Variants in ADAM7 observed in about 807,000 individuals in gnomAD.
The protein encoded by ADAM7 is disintegrin and metalloproteinase domain-containing protein 7.
ADAM7 carries 97 observed loss-of-function variants against 102.9 expected under a neutral mutation model. The ratio of observed to expected loss-of-function variants is 0.94; its 90% CI spans 0.80 to 1.12. ADAM7 has a LOEUF of 1.12. Among genes scored for constraint, ADAM7 ranks in the 50% most tolerant of loss-of-function variants. The pLI, the probability that ADAM7 is intolerant of heterozygous loss-of-function variation, is 0.00. For synonymous variants in ADAM7, 334 were observed against 304.4 expected (o/e 1.10, Z -1.01); for missense variants, 991 against 908.7 (o/e 1.09, Z -1.16).
chr8:24,494,874 T>G (rs898801839), intron 16 of ADAM7, among the ~76,000 whole-genome samples: 8 of 152,240 alleles, frequency 5.3e-5, no homozygotes, highest in African/African-American at 1.9e-4. Context: ...ATTGCCCCAC[T>G]CCAACCAAAC....
At chr8:24,469,376 G>A (rs1318542336) in intron 7 of ADAM7, among the ~76,000 whole-genome samples, 1 of 152,146 alleles carries the variant, frequency 6.6e-6, no homozygotes, top group African/African-American at 2.4e-5. Flanking sequence ...TTTTCTGTCT[G>A]CCTATAGCCA....
intron 2 of ADAM7, among the ~76,000 whole-genome samples, chr8:24,445,185 C>A (rs1264190740): frequency 6.6e-6 from 1 of 152,112 alleles, no homozygotes; most frequent in Non-Finnish European, 1.5e-5. Flanking sequence ...GACACACACA[C>A]ATACACACCT....
chr8:24,486,350 T>C (rs1369520765), intron 10 of ADAM7, among the ~76,000 whole-genome samples: 1 of 152,234 alleles, frequency 6.6e-6, no homozygotes, highest in Non-Finnish European at 1.5e-5. Context: ...ATTTGATATA[T>C]CTGACATTTA....
intron 20 of ADAM7, chr8:24,506,262 A>G: frequency 1.1e-6 from 1 of 894,674 alleles, no homozygotes; most frequent in African/African-American, 1.7e-5. Flanking sequence ...CCAATAATAT[A>G]ACATCGATAG....
rs555671304 is a variant in ADAM7, at chr8:24,500,305, G to A, written c.2002+49G>A. ...TTCATATATCAAAAGCCTACCCAGC[G>A]AAAAAAGTTTTTCTTATTTTTCAAG... On this transcript the variant is annotated intron_variant, in intron 18 of 21. Transcript: ENST00000175238. 4.9e-5 allele frequency: 75 copies of A among 1,541,990 alleles called. No homozygotes were observed. In the Admixed American group the frequency reaches 6.0e-4, roughly 12 times the overall value.
In ADAM7 at chr8:24,465,770, T is replaced by C. The variant is rs150302349; in HGVS notation, c.384T>C (p.Gly128=). The C allele has an allele frequency of 1.8e-5, 29 of 1,597,858 alleles. No individual in the cohort carries two copies. The highest frequency in any genetic ancestry group is 2.3e-5 in the Non-Finnish European group (27 of 1,172,124). ...DSAASISTCN[G]LRGFFRINDQ... ...CTGCCAGTATCAGTACGTGTAATGGTCTAAGGTAATGCAGAATATCTTTCT... is the reference window on the plus strand; with the variant it reads ...CTGCCAGTATCAGTACGTGTAATGGCCTAAGGTAATGCAGAATATCTTTCT... The change falls in exon 5 of 22, where the codon GGT becomes GGC. Residue 128 remains glycine, a synonymous_variant. Transcript: ENST00000175238.
At chr8:24,492,822 G>A (rs1240263272) in intron 15 of ADAM7, among the ~76,000 whole-genome samples, 1 of 152,140 alleles carries the variant, frequency 6.6e-6, no homozygotes, top group Admixed American at 6.6e-5. Context: ...GAGGTTCACA[G>A]GGAAATCCAA....
chr8:24,491,422 T>G (rs190550106), intron 13 of ADAM7, among the ~76,000 whole-genome samples: 29 of 152,308 alleles, frequency 1.9e-4, no homozygotes, highest in Admixed American at 5.9e-4. Context: ...ATTAAATTCT[T>G]ATTGAATGGC....
intron 14 of ADAM7, 110 bp downstream of exon 14, chr8:24,492,208 T>C: frequency 9.2e-7 from 1 of 1,084,786 alleles, no homozygotes; most frequent in Non-Finnish European, 1.3e-6. Context: ...TGTGGCATTA[T>C]TCCAAGATAT....
At chr8:24,492,661 C>A in intron 15 of ADAM7, 64 bp downstream of exon 15, 2 of 1,201,004 alleles carry the variant, frequency 1.7e-6, no homozygotes, top group Non-Finnish European at 2.4e-6. Context: ...ATCAGAATGG[C>A]TCCTGTCCCC....
chr8:24,487,184 C>A lies in ADAM7; in HGVS notation c.961-3C>A, dbSNP rs763043757. 1.2e-6 allele frequency: 2 copies of A among 1,613,084 alleles called. No individual in the cohort carries two copies. Among genetic ancestry groups the A allele is most frequent in the African/African-American group, 2.7e-5 (2 of 74,984 alleles). On this transcript the variant is annotated splice_region_variant and splice_polypyrimidine_tract_variant and intron_variant, in intron 10 of 21. Transcript: ENST00000175238. ...ATTTCTAATGCAATTGTTTTATCAT[C>A]AGGATCTTTTACCTGACACAAACAT...
chr8:24,490,711 G>C (rs1275159177), intron 12 of ADAM7, 88 bp from the exon 13 acceptor site: 40 of 1,316,232 alleles, frequency 3.0e-5, no homozygotes, highest in Middle Eastern at 1.9e-4. Context: ...AACTCTATCA[G>C]AATCCACAGA....
intron 3 of ADAM7, among the ~76,000 whole-genome samples, chr8:24,456,830 G>T (rs531903910): frequency 6.6e-6 from 1 of 152,198 alleles, no homozygotes; most frequent in Admixed American, 6.5e-5. Flanking sequence ...TAAATATACT[G>T]CAGTTCGTTC....
intron 10 of ADAM7, among the ~76,000 whole-genome samples, chr8:24,486,665 T>C (rs1400112522): frequency 6.6e-6 from 1 of 152,174 alleles, no homozygotes; most frequent in East Asian, 1.9e-4. Flanking sequence ...CCTGTCTGGC[T>C]CACAGTTGAC....
At chr8:24,478,748 C>A (rs919778261) in intron 8 of ADAM7, among the ~76,000 whole-genome samples, 1 of 152,124 alleles carries the variant, frequency 6.6e-6, no homozygotes, top group Non-Finnish European at 1.5e-5. Flanking sequence ...TTTGTCAACT[C>A]TTTTCTCTCC....
intron 7 of ADAM7, among the ~76,000 whole-genome samples, chr8:24,474,920 A>G (rs1819719712): frequency 6.6e-6 from 1 of 152,092 alleles, no homozygotes; most frequent in Non-Finnish European, 1.5e-5. Context: ...CAAAAAGAGC[A>G]AGAAAGCAAG....
At chr8:24,505,996 T>C (rs1160116934) in intron 20 of ADAM7, 1 of 935,436 alleles carries the variant, frequency 1.1e-6, no homozygotes, top group Non-Finnish European at 1.7e-6. Context: ...TCATATGTTG[T>C]AGGATAACAA....
At chr8:24,472,484 CTG>C (rs1247253021) in intron 7 of ADAM7, among the ~76,000 whole-genome samples, 1 of 151,826 alleles carries the variant, frequency 6.6e-6, no homozygotes, top group Non-Finnish European at 1.5e-5. Flanking sequence ...GGTTTGGAAA[CTG>C]AAAGTACAAT....
At chr8:24,467,120 T>C in intron 6 of ADAM7, 132 bp downstream of exon 6, 2 of 891,446 alleles carry the variant, frequency 2.2e-6, no homozygotes, top group Non-Finnish European at 3.4e-6. Flanking sequence ...ATCTGATATT[T>C]GAAATTGGAA....
Sources: allele counts gnomAD v4.1 joint callset (sites outside exome capture counted in the v4.1 genomes callset), GRCh38; gene constraint gnomAD v4.1.1; transcripts MANE v1.5; gene names NCBI Gene and HGNC (gene_info 2026-07-23, HGNC 2026-07-21).